The following OR3A3 variants were observed in gnomAD, a reference collection of about 807,000 sequenced individuals.
The protein encoded by OR3A3 is olfactory receptor family 3 subfamily A member 3.
For synonymous variants in OR3A3, 103 were observed against 163.9 expected (o/e 0.63, Z 2.84); for missense variants, 275 against 391.4 (o/e 0.70, Z 2.51).
chr17:3,419,459 T>C (rs1387971068), intron 2 of OR3A3, among the ~76,000 whole-genome samples: 1 of 152,232 alleles, frequency 6.6e-6, no homozygotes, highest in Non-Finnish European at 1.5e-5. Context: ...TATTTATCTT[T>C]CTGTGTCTAG....
chr17:3,417,296 A>G (rs1427575647), intron 2 of OR3A3, among the ~76,000 whole-genome samples: 1 of 152,016 alleles, frequency 6.6e-6, no homozygotes, highest in Non-Finnish European at 1.5e-5. Flanking sequence ...TTTCATTTCA[A>G]CATTTTTGCT....
rs549585423 is a variant in OR3A3 at position 3,420,014 on chromosome 17, G to A, written c.-6-566G>A. 1.4e-4 allele frequency among the ~76,000 whole-genome samples: 21 copies of A among 152,198 alleles called. No homozygotes were observed. The East Asian group carries it at 2.7e-3, about 20-fold the overall frequency. ...AATCTCCTGACCTCGTGATCCGCCT[G>A]CCTTGGCCTCCCAAAGTGCTGGGAT... On this transcript the variant is annotated intron_variant, in intron 2 of 2. Transcript: ENST00000641141.
intron 2 of OR3A3, among the ~76,000 whole-genome samples, chr17:3,414,533 C>T (rs528812443): frequency 2.0e-5 from 3 of 152,230 alleles, no homozygotes; most frequent in Admixed American, 6.5e-5. Flanking sequence ...GTGAATTCTC[C>T]GAAACGATCT....
intron 2 of OR3A3, among the ~76,000 whole-genome samples, chr17:3,419,967 C>T (rs1418579457): frequency 6.6e-6 from 1 of 152,060 alleles, no homozygotes; most frequent in African/African-American, 2.4e-5. Flanking sequence ...CGGGGTTTCG[C>T]TGTGTTAGCC....
intron 2 of OR3A3, among the ~76,000 whole-genome samples, chr17:3,415,037 A>G (rs2072382439): frequency 1.3e-5 from 2 of 152,178 alleles, no homozygotes; most frequent in Admixed American, 6.5e-5. Context: ...TTATATGTGT[A>G]TGTGGTAACA....
At chr17:3,416,821 C>G (rs1247811820) in intron 2 of OR3A3, among the ~76,000 whole-genome samples, 1 of 152,000 alleles carries the variant, frequency 6.6e-6, no homozygotes, top group East Asian at 1.9e-4. Flanking sequence ...AAACATTTGT[C>G]TTTGTGTTGG....
intron 2 of OR3A3, among the ~76,000 whole-genome samples, chr17:3,419,356 T>G (rs2072411954): frequency 6.6e-6 from 1 of 152,194 alleles, no homozygotes; most frequent in African/African-American, 2.4e-5. Flanking sequence ...TCTCTGAAAC[T>G]CTCATGAATT....
rs1224335403 is a variant in OR3A3, at chr17:3,420,764, C to T, written c.179C>T (p.Ala60Val). 4 of 1,310,370 alleles carry T rather than the reference C, an allele frequency of 3.1e-6. No homozygotes were observed. The highest frequency in any genetic ancestry group is 4.2e-6 in the Non-Finnish European group (4 of 948,818). The allele number at this position is 1,310,370 out of a possible 1,614,324, so 81.2% of individuals were successfully genotyped here. A position where few individuals can be genotyped will look rare whatever the true frequency, so the allele number is the denominator to read the frequency against. The change falls in exon 3 of 3, where the codon GCC becomes GTC. Residue 60 changes from alanine to valine, a missense_variant. Ala to Val is a moderately conservative substitution (Grantham distance 64). Transcript: ENST00000641141. The stretch of plus-strand genomic sequence containing the variant: ...GTCTTGGTGGAGCCCAAACTCCACG[C>T]CCCCATGTACTTCTTCCTGGGGAAC...
intron 2 of OR3A3, among the ~76,000 whole-genome samples, chr17:3,419,409 A>G (rs911168692): frequency 6.6e-6 from 1 of 152,156 alleles, no homozygotes; most frequent in Non-Finnish European, 1.5e-5. Flanking sequence ...ATTCTATGAC[A>G]TTGACTTTTT....
At chr17:3,420,888 C>T in exon 3 of OR3A3, 1 of 1,589,076 alleles carries the variant, frequency 6.3e-7, no homozygotes, top group South Asian at 1.1e-5. Flanking sequence ...ACGCCTGCCT[C>T]TCCCAGCTCT....
chr17:3,421,412 G>T, exon 3 of OR3A3: 2 of 1,613,350 alleles, frequency 1.2e-6, no homozygotes. Flanking sequence ...AAGGATAAGG[G>T]GGTTGGGGTT....
intron 2 of OR3A3, 118 bp from the exon 3 acceptor site, chr17:3,420,462 G>A: frequency 6.6e-7 from 1 of 1,514,146 alleles, no homozygotes; most frequent in South Asian, 1.3e-5. Flanking sequence ...GCATTGAGGT[G>A]TTGGAGGAGT....
rs190062218 is a variant in OR3A3, at chr17:3,413,849, A to C, written c.-7+1678A>C. Reference sequence around the variant, plus strand: ...AAAAAACAAAAAAACAAAAAACAAAAAAAAAAAACTTTAAGGACCTCTTAG... The same window carrying C: ...AAAAAACAAAAAAACAAAAAACAAACAAAAAAAACTTTAAGGACCTCTTAG... On this transcript the variant is annotated intron_variant, in intron 2 of 2. Coordinates refer to ENST00000641141, the Ensembl canonical transcript of OR3A3. 8.2e-4 allele frequency among the ~76,000 whole-genome samples: 124 copies of C among 150,872 alleles called. No individual in the cohort carries two copies. The East Asian group carries it at 0.019, about 23-fold the overall frequency.
At chr17:3,422,919 T>C (rs2072445391) in exon 3 of OR3A3, 1 of 152,048 alleles carries the variant, frequency 6.6e-6, no homozygotes, top group Non-Finnish European at 1.5e-5. Context: ...GCAAAAGTGG[T>C]AAGAAGGAAG....
At chr17:3,421,055 C>T in exon 3 of OR3A3, 8 of 1,614,168 alleles carry the variant, frequency 5.0e-6, no homozygotes, top group Non-Finnish European at 6.8e-6. Flanking sequence ...TGTGCCTTCA[C>T]CAACGCACTG....
Position 3,422,420 on chromosome 17 carries a change from T to TGGG in OR3A3, c.*887_*888insGGG, listed in dbSNP as rs1316525023. The TGGG allele has an allele frequency of 2.0e-5, 3 of 152,302 alleles. No homozygotes were observed. In the East Asian group the frequency reaches 5.8e-4, roughly 29 times the overall value. The allele number at this position is 152,302 out of a possible 1,614,324, so 9.4% of individuals were successfully genotyped here. A position where few individuals can be genotyped will look rare whatever the true frequency, so the allele number is the denominator to read the frequency against. ...TTTTTGAAACAGTAAGCGTTTATGT[T>TGGG]CCAACTAGGTCCTCAGAATTTTATT... On this transcript the variant is annotated 3_prime_UTR_variant, in exon 3 of 3. Coordinates refer to ENST00000641141, the Ensembl canonical transcript of OR3A3.
chr17:3,414,071 C>T (rs943062594), intron 2 of OR3A3, among the ~76,000 whole-genome samples: 10 of 152,012 alleles, frequency 6.6e-5, no homozygotes, highest in African/African-American at 1.9e-4. Context: ...TTAGAGACTA[C>T]CTTGACTCTT....
exon 3 of OR3A3, chr17:3,420,580 A>C: frequency 6.5e-7 from 1 of 1,530,354 alleles, no homozygotes; most frequent in Non-Finnish European, 8.7e-7. Flanking sequence ...GTCCTTACAG[A>C]AACTCATGGA....
intron 2 of OR3A3, among the ~76,000 whole-genome samples, chr17:3,413,323 G>A (rs1308305405): frequency 2.6e-5 from 4 of 152,164 alleles, no homozygotes; most frequent in East Asian, 1.9e-4. Context: ...AGCAACTGGC[G>A]TCAAGTCTTG....
Sources: allele counts gnomAD v4.1 joint callset (sites outside exome capture counted in the v4.1 genomes callset), GRCh38; gene constraint gnomAD v4.1.1; transcripts MANE v1.5; gene names NCBI Gene and HGNC (gene_info 2026-07-23, HGNC 2026-07-21).